FIRRM: variants seen among roughly 807,000 people sequenced by gnomAD.
The protein encoded by FIRRM is FIGNL1 interacting regulator of recombination and mitosis.
the FIRRM span, among the ~76,000 whole-genome samples, chr1:169,784,345 A>G: frequency 1.3e-5 from 2 of 152,108 alleles, no homozygotes; most frequent in Non-Finnish European, 2.9e-5. Flanking sequence ...TCCCACAGTC[A>G]CTTGTTTAAA....
chr1:169,852,231 A>G, the FIRRM span: 1 of 376,472 alleles, frequency 2.7e-6, no homozygotes, highest in Non-Finnish European at 4.8e-6. Flanking sequence ...ACAGAAGAAA[A>G]TGAAAGAAAC....
At chr1:169,837,021 A>G in the FIRRM span, 1 of 1,613,962 alleles carries the variant, frequency 6.2e-7, no homozygotes, top group Non-Finnish European at 8.5e-7. Context: ...GAGCTTAGGG[A>G]ACAAACTGTC....
chr1:169,790,230 G>A, the FIRRM span, among the ~76,000 whole-genome samples: 1 of 151,892 alleles, frequency 6.6e-6, no homozygotes, highest in South Asian at 2.1e-4. Context: ...TAGGCTGGAG[G>A]GCAATGGCGC....
At chr1:169,828,557 T>G in the FIRRM span, among the ~76,000 whole-genome samples, 731 of 152,198 alleles carry the variant, frequency 4.8e-3, 1 homozygote, top group Admixed American at 8.1e-3. Flanking sequence ...GTTTTGTTTT[T>G]TTTTTGTTTG....
chr1:169,849,729 T>C, the FIRRM span: 3 of 704,886 alleles, frequency 4.3e-6, no homozygotes, highest in African/African-American at 3.6e-5. Flanking sequence ...GTCTGAAGGG[T>C]ACATTACTCG....
chr1:169,790,736 C>A, the FIRRM span, among the ~76,000 whole-genome samples: 1 of 152,142 alleles, frequency 6.6e-6, no homozygotes, highest in Admixed American at 6.5e-5. Context: ...GTATTATGAG[C>A]CTCTATCCAG....
the FIRRM span, among the ~76,000 whole-genome samples, chr1:169,798,665 C>A: frequency 6.6e-6 from 1 of 152,130 alleles, no homozygotes; most frequent in Non-Finnish European, 1.5e-5. Context: ...TATTTCATGA[C>A]TATGCATAGT....
the FIRRM span, among the ~76,000 whole-genome samples, chr1:169,785,670 G>T: frequency 6.6e-6 from 1 of 152,098 alleles, no homozygotes; most frequent in Non-Finnish European, 1.5e-5. Flanking sequence ...CCTGGAATTT[G>T]GGGTTTATAT....
the FIRRM span, among the ~76,000 whole-genome samples, chr1:169,828,779 C>G: frequency 6.6e-6 from 1 of 152,202 alleles, no homozygotes; most frequent in Non-Finnish European, 1.5e-5. Flanking sequence ...CTCCTGGGCT[C>G]AAGTGATCTT....
chr1:169,850,258 T>C, the FIRRM span: 29 of 1,596,872 alleles, frequency 1.8e-5, no homozygotes, highest in Non-Finnish European at 2.5e-5. Context: ...CATCAATTTT[T>C]TAATAGGGAA....
chr1:169,798,977 A>G, the FIRRM span: 1 of 1,083,472 alleles, frequency 9.2e-7, no homozygotes, highest in Non-Finnish European at 1.3e-6. Flanking sequence ...AATTGTTTTA[A>G]CTGTATGATG....
At chr1:169,814,303 TA>T in the FIRRM span, among the ~76,000 whole-genome samples, 1 of 152,190 alleles carries the variant, frequency 6.6e-6, no homozygotes, top group Non-Finnish European at 1.5e-5. Flanking sequence ...TAAACAAAGG[TA>T]AATATGCAGT....
the FIRRM span, among the ~76,000 whole-genome samples, chr1:169,832,699 G>T: frequency 6.6e-6 from 1 of 151,942 alleles, no homozygotes; most frequent in African/African-American, 2.4e-5. Flanking sequence ...GACTTCCTGG[G>T]CTCAAGCAAT....
chr1:169,843,594 A>G, the FIRRM span: 5 of 827,132 alleles, frequency 6.0e-6, no homozygotes, highest in Non-Finnish European at 1.0e-5. Flanking sequence ...CTGATATATA[A>G]TAAATGCTCA....
chr1:169,821,868 G>T, the FIRRM span: 1 of 636,546 alleles, frequency 1.6e-6, no homozygotes, highest in South Asian at 2.6e-5. Flanking sequence ...CATATAACTT[G>T]ATCAAGTCAC....
chr1:169,820,431 G>A, the FIRRM span, among the ~76,000 whole-genome samples: 2 of 152,178 alleles, frequency 1.3e-5, no homozygotes, highest in African/African-American at 4.8e-5. Context: ...ACCCACAGCC[G>A]TCAGCAGGAG....
At chr1:169,823,336 A>G in the FIRRM span, 3 of 816,486 alleles carry the variant, frequency 3.7e-6, no homozygotes, top group Admixed American at 5.2e-5. Flanking sequence ...TATTTTGCAT[A>G]CCTTTGTGAG....
chr1:169,795,495 G>GT, the FIRRM span: 58 of 1,218,060 alleles, frequency 4.8e-5, no homozygotes, highest in African/African-American at 8.8e-4. Flanking sequence ...CCTTCTTTCA[G>GT]TTTTTCTGTA....
At chr1:169,854,071 A>G in the FIRRM span, 2 of 586,988 alleles carry the variant, frequency 3.4e-6, no homozygotes, top group Non-Finnish European at 5.8e-6. Flanking sequence ...ACAATAGCTC[A>G]TTAAACAAAC....
Sources: allele counts gnomAD v4.1 joint callset (sites outside exome capture counted in the v4.1 genomes callset), GRCh38; gene constraint gnomAD v4.1.1; transcripts MANE v1.5; gene names NCBI Gene and HGNC (gene_info 2026-07-23, HGNC 2026-07-21).